The following ADARB1 variants were observed in gnomAD, a reference collection of about 807,000 sequenced individuals.
The protein encoded by ADARB1 is adenosine deaminase RNA specific B1, also known as double-stranded RNA-specific editase 1.
A neutral mutation model predicts 52.4 loss-of-function variants in ADARB1; 10 were observed. The observed-to-expected ratio is 0.19, with a 90% CI of 0.12 to 0.32. The LOEUF (loss-of-function observed/expected upper bound fraction) is 0.32, where lower values mean the gene tolerates loss of function less well. Among genes scored for constraint, ADARB1 ranks in the 10% least tolerant of loss-of-function variants. The pLI is 1.00. For synonymous variants in ADARB1, 349 were observed against 371.1 expected (o/e 0.94, Z 0.68); for missense variants, 643 against 922.3 (o/e 0.70, Z 3.92).
intron 2 of ADARB1, among the ~76,000 whole-genome samples, chr21:45,160,178 A>G (rs2090891315): frequency 6.6e-6 from 1 of 152,198 alleles, no homozygotes; most frequent in South Asian, 2.1e-4. Flanking sequence ...GGTCCCTTAG[A>G]TGGAAGGAAA....
chr21:45,140,097 C>A (rs913035174), intron 2 of ADARB1, among the ~76,000 whole-genome samples: 1 of 152,020 alleles, frequency 6.6e-6, no homozygotes, highest in African/African-American at 2.4e-5. Flanking sequence ...GCGCCCGCCA[C>A]CATGCCCGGC....
At chr21:45,109,050 A>C (rs1258205685) in intron 1 of ADARB1, among the ~76,000 whole-genome samples, 4 of 152,240 alleles carry the variant, frequency 2.6e-5, no homozygotes, top group Non-Finnish European at 4.4e-5. Flanking sequence ...AGGATGGCAC[A>C]GCTCTCAGCT....
chr21:45,088,783 A>G (rs1446520213), intron 1 of ADARB1, among the ~76,000 whole-genome samples: 1 of 152,238 alleles, frequency 6.6e-6, no homozygotes, highest in Non-Finnish European at 1.5e-5. Context: ...CACCTGGGCG[A>G]TCAAGATCAG....
rs2092517734 is a variant in ADARB1 at position 45,200,123 on chromosome 21, C to G, written c.1566-4432C>G. The stretch of plus-strand genomic sequence containing the variant: ...TGGGAGAGTTGAGAGTGGGGAGCAG[C>G]CACCTTGGAGGGCCAGGTGGATGGG... On this transcript the variant is annotated intron_variant, in intron 8 of 10. Coordinates refer to ENST00000348831, the MANE Select transcript of ADARB1 (RefSeq NM_001112.4). The surrounding 1 kb of genome is among the most constrained non-coding windows in gnomAD (Gnocchi z 5.0). Among the ~76,000 whole-genome samples, 1 of 152,184 alleles carries G rather than the reference C, an allele frequency of 6.6e-6. No individual in the cohort carries two copies. The highest frequency in any genetic ancestry group is 2.4e-5 in the African/African-American group (1 of 41,426).
intron 1 of ADARB1, among the ~76,000 whole-genome samples, chr21:45,098,937 G>GTATT (rs2086884753): frequency 1.3e-5 from 2 of 152,186 alleles, no homozygotes; most frequent in Admixed American, 1.3e-4. Flanking sequence ...GTTATTCTTA[G>GTATT]TATTCTAGGT....
intron 1 of ADARB1, among the ~76,000 whole-genome samples, chr21:45,105,900 T>C (rs1382173751): frequency 2.4e-4 from 37 of 152,332 alleles, no homozygotes; most frequent in Non-Finnish European, 2.9e-5. Flanking sequence ...AGTGTACCCA[T>C]GTCTAGGAAT....
intron 4 of ADARB1, among the ~76,000 whole-genome samples, chr21:45,179,813 A>G (rs2091857462): frequency 2.6e-5 from 4 of 151,990 alleles, no homozygotes; most frequent in Admixed American, 2.6e-4. Context: ...ACTGGATCGC[A>G]TCTCCAAGCT....
At chr21:45,189,070 T>G in intron 8 of ADARB1, among the ~76,000 whole-genome samples, 1 of 152,214 alleles carries the variant, frequency 6.6e-6, no homozygotes, top group East Asian at 1.9e-4. Context: ...GGTAAAGACC[T>G]GCCCCTATGA....
At chr21:45,193,211 A>G (rs1279824642) in intron 8 of ADARB1, among the ~76,000 whole-genome samples, 1 of 152,222 alleles carries the variant, frequency 6.6e-6, no homozygotes, top group African/African-American at 2.4e-5. Flanking sequence ...CAAACCAAAT[A>G]CAGCATCATG....
chr21:45,185,131 C>A (rs1195502829), intron 8 of ADARB1, 40 bp downstream of exon 8: 2 of 1,601,386 alleles, frequency 1.2e-6, no homozygotes, highest in East Asian at 4.5e-5. Flanking sequence ...TCCCTGCACA[C>A]AGGATTCATC....
chr21:45,087,688 A>G (rs999770919), intron 1 of ADARB1, among the ~76,000 whole-genome samples: 2 of 152,156 alleles, frequency 1.3e-5, no homozygotes, highest in African/African-American at 2.4e-5. Context: ...GCAATACTTC[A>G]TATACTCCAA....
At position 45,221,008 on chromosome 21, in the gene ADARB1, C is replaced by T. The variant is rs1416977292; in HGVS notation, c.1920C>T (p.His640=). 10 of 1,610,058 alleles carry T rather than the reference C, an allele frequency of 6.2e-6. No homozygotes were observed. The highest frequency in any genetic ancestry group is 2.2e-5 in the South Asian group (2 of 91,044). Residue 640 remains histidine (H), a synonymous_variant, in exon 10 of 11, where the codon CAC becomes CAT. Coordinates refer to ENST00000348831, the MANE Select transcript of ADARB1 (RefSeq NM_001112.4). The surrounding 1 kb of genome is among the most constrained non-coding windows in gnomAD (Gnocchi z 4.9). ...TGTACTGTCGCTGGATGCGTGTGCACGGCAAGGTACTGAGGCGCCCTCACC... is the reference window on the plus strand; with the variant it reads ...TGTACTGTCGCTGGATGCGTGTGCATGGCAAGGTACTGAGGCGCCCTCACC... ...HALYCRWMRV[H]GKVPSHLLRS...
chr21:45,136,263 C>T (rs1179752999), intron 2 of ADARB1, among the ~76,000 whole-genome samples: 2 of 152,178 alleles, frequency 1.3e-5, no homozygotes, highest in Non-Finnish European at 2.9e-5. Context: ...GACAGCAGGG[C>T]AGGCTTTCCA....
chr21:45,162,585 T>C (rs1411680155), intron 2 of ADARB1, among the ~76,000 whole-genome samples: 1 of 152,062 alleles, frequency 6.6e-6, no homozygotes, highest in Admixed American at 6.6e-5. Flanking sequence ...CCTATGACAC[T>C]GGGTTCTGAT....
intron 2 of ADARB1, among the ~76,000 whole-genome samples, chr21:45,147,483 A>G (rs1317264832): frequency 6.6e-6 from 1 of 152,198 alleles, no homozygotes; most frequent in African/African-American, 2.4e-5. Context: ...ATGCGTGCTT[A>G]GGTAAGGATT....
chr21:45,099,231 G>A (rs902350189), intron 1 of ADARB1, among the ~76,000 whole-genome samples: 2 of 152,162 alleles, frequency 1.3e-5, no homozygotes, highest in African/African-American at 4.8e-5. Context: ...GCTGGTGACC[G>A]GGGAACTGTA....
chr21:45,120,288 T>C (rs1324294054), intron 1 of ADARB1, among the ~76,000 whole-genome samples: 1 of 152,182 alleles, frequency 6.6e-6, no homozygotes, highest in East Asian at 1.9e-4. Flanking sequence ...GGCACACTTG[T>C]GGGGTATTGG....
intron 1 of ADARB1, among the ~76,000 whole-genome samples, chr21:45,109,445 C>G (rs1289703367): frequency 6.6e-6 from 1 of 152,196 alleles, no homozygotes; most frequent in African/African-American, 2.4e-5. Context: ...TTTCTGTGAC[C>G]TGGATTTTAA....
intron 1 of ADARB1, among the ~76,000 whole-genome samples, chr21:45,079,234 G>T (rs972094260): frequency 8.5e-5 from 13 of 152,164 alleles, no homozygotes; most frequent in African/African-American, 3.1e-4. Flanking sequence ...GGAAAATGTA[G>T]CCAACTAGAT....
Sources: gnomAD v4.1 joint callset for allele counts (sites outside exome capture counted in the v4.1 genomes callset) on GRCh38, gnomAD v4.1.1 for gene constraint, Gnocchi (gnomAD v3.1) non-coding constraint, MANE v1.5 for transcripts, NCBI Gene and HGNC (gene_info 2026-07-23, HGNC 2026-07-21) for gene names.